DMPK: variants seen among roughly 807,000 people sequenced by gnomAD.
DMPK encodes myotonin-protein kinase.
Under a neutral mutation model 70.3 loss-of-function variants are expected in DMPK, and 32 were observed. The ratio of observed to expected loss-of-function variants is 0.46; its 90% confidence interval spans 0.34 to 0.61. The LOEUF is 0.61. Among genes scored for constraint, DMPK ranks in the 20% least tolerant of loss-of-function variants. The pLI is 0.01. For synonymous variants in DMPK, 469 were observed against 390.9 expected, an observed-to-expected ratio of 1.20 and a Z score of -2.36; for missense variants, 899 against 886.0, an observed-to-expected ratio of 1.01 and a Z score of -0.19.
rs1182175499 is a variant in DMPK, at chr19:45,777,530, G to C, written c.943C>G (p.Gln315Glu). ...GTCTCCGGGGGACACAGCAACCGCTGAATGAAGTCTCGAGCCTCCTCAGGG... is the reference window on the plus strand; with the variant it reads ...GTCTCCGGGGGACACAGCAACCGCTCAATGAAGTCTCGAGCCTCCTCAGGG... ...GVPEEARDFIQRLLCPPETRL... is the reference protein window; with the variant it reads ...GVPEEARDFIERLLCPPETRL... Residue 315 changes from glutamine to glutamate, a missense_variant, in exon 8 of 15, where the codon CAG becomes GAG. This residue lies in a region of DMPK where 555 missense variants were observed against 483.8 expected (regional missense o/e 1.15). Transcript: ENST00000291270. This position sits in a 1 kb window ranked among gnomAD's most constrained non-coding sequence, Gnocchi z 6.7. The C allele has an allele frequency of 1.1e-5, 18 of 1,613,536 alleles. No individual in the cohort carries two copies. The East Asian group carries it at 3.8e-4, about 34-fold the overall frequency.
Position 45,777,493 on chromosome 19 carries a change from C to T in DMPK, c.980G>A (p.Arg327Gln), listed in dbSNP as rs555191515. 91 of 1,613,474 alleles carry T rather than the reference C, an allele frequency of 5.6e-5. No homozygotes were observed. The East Asian group carries it at 9.1e-4, about 16-fold the overall frequency. Residue 327 changes from arginine to glutamine, a missense_variant, in exon 8 of 15, where the codon CGG becomes CAG. By Grantham distance (43) the Arg-to-Gln change is conservative. Transcript: ENST00000291270. The surrounding 1 kb of genome is among the most constrained non-coding windows in gnomAD (Gnocchi z 6.7). The stretch of plus-strand genomic sequence containing the variant: ...TGTCCGGAAGTCGCCTGCTCCACCC[C>T]GGCCCAGCCGTGTCTCCGGGGGACA... The part of the protein sequence containing the change: ...LLCPPETRLG[R>Q]GGAGDFRTHP...
At chr19:45,774,876 G>T in intron 9 of DMPK, 73 bp downstream of exon 9, 2 of 1,195,784 alleles carry the variant, frequency 1.7e-6, no homozygotes, top group Non-Finnish European at 2.5e-6. Flanking sequence ...AACTCCATTG[G>T]CTGCCAAGGA....
At position 45,777,622 on chromosome 19, in the gene DMPK, G is replaced by A. The variant is rs773760078; in HGVS notation, c.883-32C>T. ...AGAGGGAGAGGAGGCGATAGCCTGG[G>A]AGCGCCTACCGGGAGAGGCCAGGTC... On this transcript the variant is annotated intron_variant, in intron 7 of 14. Transcript: ENST00000291270. This position sits in a 1 kb window ranked among gnomAD's most constrained non-coding sequence, Gnocchi z 6.7. 3 of 1,613,026 alleles carry A rather than the reference G, an allele frequency of 1.9e-6. No homozygotes were observed. Among genetic ancestry groups the A allele is most frequent in the Admixed American group, 3.3e-5 (2 of 59,968 alleles).
At chr19:45,771,208 G>A in intron 13 of DMPK, 142 bp downstream of exon 13, 1 of 1,260,898 alleles carries the variant, frequency 7.9e-7, no homozygotes, top group Non-Finnish European at 1.1e-6. Context: ...AGGGAGATCT[G>A]GGGCTGAATA....
chr19:45,771,046 C>T lies in DMPK; in HGVS notation c.1662G>A (p.Pro554=), dbSNP rs956079556. ...TDPPSHLDGP[P]AVAVGQCPLV... Reference sequence around the variant, plus strand: ...GCGGGCACTGGCCCACAGCCACGGCCGGGGGGCCATCTAGCTGGAGAGAGA... The same window carrying T: ...GCGGGCACTGGCCCACAGCCACGGCTGGGGGGCCATCTAGCTGGAGAGAGA... Residue 554 remains proline (P), a synonymous_variant, in exon 14 of 15, where the codon CCG becomes CCA. Coordinates refer to ENST00000291270, the MANE Select transcript of DMPK (RefSeq NM_004409.5). The T allele has an allele frequency of 1.3e-5, 19 of 1,515,582 alleles. No individual in the cohort carries two copies. The Admixed American group carries it at 1.3e-4, about 10-fold the overall frequency. The allele number at this position is 1,515,582 out of a possible 1,614,324, so 93.9% of individuals were successfully genotyped here.
chr19:45,777,718 G>A lies in DMPK; in HGVS notation c.831C>T (p.Pro277=), dbSNP rs1426816592. 1.9e-6 allele frequency: 3 copies of A among 1,613,864 alleles called. No individual in the cohort carries two copies. The highest frequency in any genetic ancestry group is 2.5e-6 in the Non-Finnish European group (3 of 1,180,048). The change falls in exon 7 of 15, where the codon CCC becomes CCT. Residue 277 remains proline, a synonymous_variant. Transcript: ENST00000291270. The surrounding 1 kb of genome is among the most constrained non-coding windows in gnomAD (Gnocchi z 6.7). ...TCTCCGCCGTGGAATCCGCGTAGAA[G>A]GGCGTCTGCCCATAGAACATTTCAT... is the stretch of plus-strand genomic sequence containing the variant. ...FAYEMFYGQT[P]FYADSTAETY... is the part of the protein sequence containing the mutation.
Position 45,780,497 on chromosome 19 carries a change from C to G in DMPK, c.161-628G>C, listed in dbSNP as rs576238440. 5 of 1,122,730 alleles carry G rather than the reference C, an allele frequency of 4.5e-6. No individual in the cohort carries two copies. The South Asian group carries it at 6.5e-5, about 15-fold the overall frequency. 69.5% of individuals were successfully genotyped at this position (1,122,730 alleles called of 1,614,324 possible). On this transcript the variant is annotated intron_variant, in intron 1 of 14. Transcript: ENST00000291270. ...CAGGAGGAGTGCTTTAGTCCTACCCCTTATTTACAGATGACAATCAGGCCT... is the reference window on the plus strand; with the variant it reads ...CAGGAGGAGTGCTTTAGTCCTACCCGTTATTTACAGATGACAATCAGGCCT...
Position 45,769,918 on chromosome 19 carries a change from G to T in DMPK, c.*570C>A, listed in dbSNP as rs1159140867. 1 of 285,292 alleles carries T rather than the reference G, an allele frequency of 3.5e-6. No homozygotes were observed. 17.7% of individuals were successfully genotyped at this position (285,292 alleles called of 1,614,324 possible). ...ACCGCCGAAGCGGGCGGAGCCGGCT[G>T]GGGCTCCGAGAGCAGCGCAAGTGAG... On this transcript the variant is annotated 3_prime_UTR_variant, in exon 15 of 15. Coordinates refer to ENST00000291270, the MANE Select transcript of DMPK (RefSeq NM_004409.5).
In DMPK at chr19:45,772,751, C is replaced by A; in HGVS notation, c.1234G>T (p.Asp412Tyr). Reference protein sequence around the residue: ...GYSYSCMALRDSEVPGPTPME... With the variant: ...GYSYSCMALRYSEVPGPTPME... ...GGTGTGGGGCCTGGGACCTCACTGT[C>A]CCTGGGGAGAGGAGGAGGGAGTGGG... is the stretch of plus-strand genomic sequence containing the variant. The change falls in exon 10 of 15, where the codon GAC becomes TAC. Residue 412 changes from aspartate (D) to tyrosine (Y), a missense_variant and splice_region_variant. By Grantham distance (160) the Asp-to-Tyr change is radical (BLOSUM62 -3). This residue lies in a region of DMPK where 555 missense variants were observed against 483.8 expected (regional missense o/e 1.15). Coordinates refer to ENST00000291270, the MANE Select transcript of DMPK (RefSeq NM_004409.5). 2.7e-6 allele frequency: 4 copies of A among 1,475,748 alleles called. No individual in the cohort carries two copies. The highest frequency in any genetic ancestry group is 3.6e-6 in the Non-Finnish European group (4 of 1,117,390). 91.4% of individuals were successfully genotyped at this position (1,475,748 alleles called of 1,614,324 possible).
At chr19:45,774,597 G>T (rs562087330) in intron 9 of DMPK, among the ~76,000 whole-genome samples, 2 of 152,222 alleles carry the variant, frequency 1.3e-5, no homozygotes, top group South Asian at 2.1e-4. Context: ...ATTGTTATAT[G>T]GCTGATTCAA....
Position 45,782,410 on chromosome 19 carries a change from A to ACAGGGCCTGGCAGCCCCTGTC in DMPK, c.-79_-59dup. The ACAGGGCCTGGCAGCCCCTGTC allele has an allele frequency of 6.8e-7, 1 of 1,479,024 alleles. No homozygotes were observed. The highest frequency in any genetic ancestry group is 9.0e-7 in the Non-Finnish European group (1 of 1,116,064). The allele number at this position is 1,479,024 out of a possible 1,614,324, so 91.6% of individuals were successfully genotyped here. A position where few individuals can be genotyped will look rare whatever the true frequency, so the allele number is the denominator to read the frequency against. ...GCCGGGGGCTCGGGGTCCTCCTGTCACAGGGCCTGGCAGCCCCTGTCCAGG... is the reference window on the plus strand; with the variant it reads ...GCCGGGGGCTCGGGGTCCTCCTGTCACAGGGCCTGGCAGCCCCTGTCCAGGGCCTGGCAGCCCCTGTCCAGG... On this transcript the variant is annotated 5_prime_UTR_variant, in exon 1 of 15. Transcript: ENST00000291270.
intron 1 of DMPK, 130 bp from the exon 2 acceptor site, chr19:45,779,999 C>T (rs1343099236): frequency 6.4e-7 from 1 of 1,558,184 alleles, no homozygotes; most frequent in Non-Finnish European, 8.7e-7. Context: ...CTGTCTGCTT[C>T]CCAGGGGCTT....
intron 8 of DMPK, among the ~76,000 whole-genome samples, chr19:45,776,147 T>C (rs1206412225): frequency 2.6e-5 from 2 of 77,144 alleles, no homozygotes; most frequent in Non-Finnish European, 5.4e-5. Context: ...TTTTTTTTTT[T>C]TTTTTTTTTT....
Position 45,775,021 on chromosome 19 carries a change from T to C in DMPK, c.1160A>G (p.Asp387Gly), listed in dbSNP as rs1362951027. Residue 387 changes from aspartate to glycine, a missense_variant, in exon 9 of 15, where the codon GAC (aspartate) becomes GGC (glycine). Transcript: ENST00000291270. ...MVSGGGETLS[D>G]IREGAPLGVH... ...CCCTAGCGGCGCACCTTCCCGAATGTCCGACAGTGTCTCCTGCGCAAGACA... is the reference window on the plus strand; with the variant it reads ...CCCTAGCGGCGCACCTTCCCGAATGCCCGACAGTGTCTCCTGCGCAAGACA... 28 of 1,613,806 alleles carry C rather than the reference T, an allele frequency of 1.7e-5. No individual in the cohort carries two copies. The highest frequency in any genetic ancestry group is 2.3e-5 in the Non-Finnish European group (27 of 1,179,936).
Position 45,771,937 on chromosome 19 carries a change from G to A in DMPK, c.1345-9C>T, listed in dbSNP as rs1275418367. The A allele has an allele frequency of 2.5e-6, 4 of 1,585,284 alleles. No individual in the cohort carries two copies. Among genetic ancestry groups the A allele is most frequent in the Admixed American group, 1.8e-5 (1 of 57,092 alleles). On this transcript the variant is annotated splice_polypyrimidine_tract_variant and intron_variant, in intron 10 of 14. Coordinates refer to ENST00000291270, the MANE Select transcript of DMPK (RefSeq NM_004409.5). The stretch of plus-strand genomic sequence containing the variant: ...GGAACTGCCACTTCAGCCTGTGTAT[G>A]GGGACCAGGCTTAAGGCTGCCTGTG...
Position 45,779,531 on chromosome 19 carries a change from G to T in DMPK, c.253-9C>A. On this transcript the variant is annotated splice_polypyrimidine_tract_variant and intron_variant, in intron 2 of 14. Transcript: ENST00000291270. ...ATCTTCACTACCGCTACCTGAGGTC[G>T]AGATAGTGAGACAGAGTGGAGACGG... is the stretch of plus-strand genomic sequence containing the variant. 3 of 1,613,710 alleles carry T rather than the reference G, an allele frequency of 1.9e-6. No homozygotes were observed. Among genetic ancestry groups the T allele is most frequent in the Non-Finnish European group, 2.5e-6 (3 of 1,179,962 alleles).
At position 45,770,960 on chromosome 19, in the gene DMPK, G is replaced by C; in HGVS notation, c.1737+11C>G. ...GCGACGGCGGAGGGGGGCGTGGGCA[G>C]CCGGACGTACCCTGGCAGGGAGCAG... On this transcript the variant is annotated intron_variant, in intron 14 of 14. Coordinates refer to ENST00000291270, the MANE Select transcript of DMPK (RefSeq NM_004409.5). 1 of 1,419,704 alleles carries C rather than the reference G, an allele frequency of 7.0e-7. No individual in the cohort carries two copies. The highest frequency in any genetic ancestry group is 9.2e-7 in the Non-Finnish European group (1 of 1,092,372). 87.9% of individuals were successfully genotyped at this position (1,419,704 alleles called of 1,614,324 possible).
chr19:45,770,791 CCTCGA>C, intron 14 of DMPK, 151 bp from the exon 15 acceptor site: 1 of 1,043,486 alleles, frequency 9.6e-7, no homozygotes, highest in Non-Finnish European at 1.4e-6. Flanking sequence ...CACTCGCACG[CCTCGA>C]ATCCCGTCCG....
At position 45,770,521 on chromosome 19, in the gene DMPK, G is replaced by A; in HGVS notation, c.1857C>T (p.Val619=). 1 of 1,550,584 alleles carries A rather than the reference G, an allele frequency of 6.4e-7. No individual in the cohort carries two copies. Among genetic ancestry groups the A allele is most frequent in the South Asian group, 1.2e-5 (1 of 84,050 alleles). The change falls in exon 15 of 15, where the codon GTC becomes GTT. Residue 619 remains valine, a synonymous_variant. Transcript: ENST00000291270. ...CGCGGGCGGCTCCTGGGCGGCGCCA[G>A]ACTGCGGTGAGTTGGCCGGCGTGGG... ...LVAHAGQLTA[V]WRRPGAARAP is the part of the protein sequence containing the mutation.
Sources: gnomAD v4.1 joint callset for allele counts (sites outside exome capture counted in the v4.1 genomes callset) on GRCh38, gnomAD v4.1.1 for gene constraint, gnomAD v4.1.1 regional missense constraint, Gnocchi (gnomAD v3.1) non-coding constraint, MANE v1.5 for transcripts, NCBI Gene and HGNC (gene_info 2026-07-23, HGNC 2026-07-21) for gene names.